Variants in TDP2 observed in about 807,000 individuals in gnomAD.
TDP2 encodes 5'-Tyr-DNA phosphodiesterase.
In TDP2, 38 loss-of-function variants were observed where a neutral mutation model predicts 42.8. The ratio of observed to expected loss-of-function variants is 0.89; its 90% CI spans 0.68 to 1.16. The LOEUF is 1.16. TDP2 is among the 50% of genes most tolerant of loss of function. TDP2 has a pLI of 0.00. For synonymous variants in TDP2, 173 were observed against 150.6 expected, an observed-to-expected ratio of 1.15 and a Z score of -1.09; for missense variants, 439 against 439.3, an observed-to-expected ratio of 1.00 and a Z score of 0.01.
At chr6:24,655,970 A>G (rs1347893219) in intron 4 of TDP2, among the ~76,000 whole-genome samples, 1 of 152,230 alleles carries the variant, frequency 6.6e-6, no homozygotes, top group Non-Finnish European at 1.5e-5. Flanking sequence ...ACTGTAATCA[A>G]CATTTTAGTG....
rs965971283 is a variant in TDP2 at position 24,650,836 on chromosome 6, A to T, written c.1041T>A (p.Phe347Leu). 3.1e-6 allele frequency: 5 copies of T among 1,614,216 alleles called. No homozygotes were observed. The highest frequency in any genetic ancestry group is 4.2e-6 in the Non-Finnish European group (5 of 1,180,032). ...LGLEKLDCGR[F>L]PSDHWGLLCN... ...ACAGAAGACCCCAGTGATCACTAGG[A>T]AATCTACCACAGTCCAGTTTTTCTA... The change falls in exon 7 of 7, where the codon TTT becomes TTA. Residue 347 changes from phenylalanine to leucine, a missense_variant. Physicochemically the swap from Phe to Leu is conservative, Grantham distance 22. Coordinates refer to ENST00000378198, the MANE Select transcript of TDP2 (RefSeq NM_016614.3).
In TDP2 at chr6:24,654,503, A is replaced by G. The variant is rs776274216; in HGVS notation, c.545T>C (p.Ile182Thr). The part of the protein sequence containing the change: ...TGHEEGYFTA[I>T]MLKKSRVKLK... ...TTTCACTCTTGATTTCTTCAACATT[A>G]TAGCTGTGAAATATCCTTCTTCATG... The change falls in exon 5 of 7, where the codon ATA (isoleucine) becomes ACA (threonine). Residue 182 changes from isoleucine to threonine, a missense_variant. By Grantham distance (89) the Ile-to-Thr change is moderately conservative. Coordinates refer to ENST00000378198, the MANE Select transcript of TDP2 (RefSeq NM_016614.3). The G allele has an allele frequency of 1.3e-6, 2 of 1,566,458 alleles. No homozygotes were observed. Among genetic ancestry groups the G allele is most frequent in the Admixed American group, 1.8e-5 (1 of 55,720 alleles).
intron 2 of TDP2, chr6:24,666,027 G>A (rs1376193456): frequency 6.8e-7 from 1 of 1,464,778 alleles, no homozygotes; most frequent in Non-Finnish European, 9.0e-7. Flanking sequence ...GCCTTGTAAG[G>A]CAGCTACACT....
At chr6:24,653,342 G>C (rs1778003564) in intron 5 of TDP2, among the ~76,000 whole-genome samples, 189 bp from the exon 6 acceptor site, 1 of 152,204 alleles carries the variant, frequency 6.6e-6, no homozygotes, top group Non-Finnish European at 1.5e-5. Context: ...AAAGACGACG[G>C]TTTAGCAAGC....
rs1026452149 is a variant in TDP2 at position 24,658,673 on chromosome 6, C to A, written c.313G>T (p.Asp105Tyr). 11 of 1,613,828 alleles carry A rather than the reference C, an allele frequency of 6.8e-6. No individual in the cohort carries two copies. Among genetic ancestry groups the A allele is most frequent in the Non-Finnish European group, 9.3e-6 (11 of 1,179,876 alleles). The change falls in exon 3 of 7, where the codon GAT becomes TAT. Residue 105 changes from aspartate to tyrosine, a missense_variant. Coordinates refer to ENST00000378198, the MANE Select transcript of TDP2 (RefSeq NM_016614.3). The stretch of plus-strand genomic sequence containing the variant: ...ATGCTGCCATTTTCTTGCTGAGTAT[C>A]TTCAGATGGGCTGATTTTAGAAGTG... Reference protein sequence around the residue: ...STTSKISPSEDTQQENGSMFS... With the variant: ...STTSKISPSEYTQQENGSMFS...
chr6:24,651,427 C>A (rs567483118), intron 6 of TDP2, among the ~76,000 whole-genome samples: 5 of 152,302 alleles, frequency 3.3e-5, no homozygotes, highest in African/African-American at 1.2e-4. Flanking sequence ...CTACTTTAGT[C>A]TACAACTTCA....
rs145857752 is a variant in TDP2 at position 24,665,773 on chromosome 6, G to C, written c.251+753C>G. 8.1e-4 allele frequency among the ~76,000 whole-genome samples: 124 copies of C among 152,258 alleles called. No individual in the cohort carries two copies. In the East Asian group the frequency reaches 0.02, roughly 25 times the overall value. On this transcript the variant is annotated intron_variant, in intron 2 of 6. Transcript: ENST00000378198. Reference sequence around the variant, plus strand: ...CAGGATGCTATAAGAGTACCTAAAAGGGGACTCTTACCCAGACTTAGGACA... The same window carrying C: ...CAGGATGCTATAAGAGTACCTAAAACGGGACTCTTACCCAGACTTAGGACA...
chr6:24,666,291 C>G, intron 2 of TDP2: 2 of 1,531,206 alleles, frequency 1.3e-6, no homozygotes, highest in Non-Finnish European at 1.8e-6. Context: ...TCCATCTTTT[C>G]CTCCCTGGAC....
chr6:24,660,942 C>T (rs1331551575), intron 2 of TDP2, among the ~76,000 whole-genome samples: 2 of 152,122 alleles, frequency 1.3e-5, no homozygotes, highest in African/African-American at 2.4e-5. Flanking sequence ...GTATGTCCTC[C>T]GCAATGCACC....
intron 2 of TDP2, among the ~76,000 whole-genome samples, chr6:24,662,917 G>GT (rs1778176225): frequency 1.3e-5 from 2 of 152,184 alleles, no homozygotes; most frequent in Admixed American, 1.3e-4. Context: ...CAAATCTTCT[G>GT]TTTCATAGCT....
intron 3 of TDP2, 140 bp from the exon 4 acceptor site, chr6:24,658,043 G>A: frequency 1.9e-6 from 1 of 536,110 alleles, no homozygotes; most frequent in Non-Finnish European, 3.3e-6. Flanking sequence ...GCTGATCTTT[G>A]ATAACTATAA....
chr6:24,651,159 C>A (rs1187475184), intron 6 of TDP2, 90 bp from the exon 7 acceptor site: 2 of 1,071,930 alleles, frequency 1.9e-6, no homozygotes, highest in Non-Finnish European at 2.6e-6. Flanking sequence ...TTGCTATTAC[C>A]GTGCAAGAAA....
intron 4 of TDP2, among the ~76,000 whole-genome samples, chr6:24,655,034 G>A (rs777336543): frequency 6.6e-6 from 1 of 151,868 alleles, no homozygotes; most frequent in Non-Finnish European, 1.5e-5. Flanking sequence ...GTGAAATTCC[G>A]TCTCAAAATA....
At chr6:24,653,520 T>A (rs908202527) in intron 5 of TDP2, among the ~76,000 whole-genome samples, 1 of 152,188 alleles carries the variant, frequency 6.6e-6, no homozygotes, top group African/African-American at 2.4e-5. Context: ...CCATAAGTCA[T>A]TTGCAAAGCA....
At chr6:24,651,466 T>C (rs1777973341) in intron 6 of TDP2, among the ~76,000 whole-genome samples, 1 of 152,234 alleles carries the variant, frequency 6.6e-6, no homozygotes, top group South Asian at 2.1e-4. Flanking sequence ...GATCCAAAAA[T>C]TTCAACTGCC....
At chr6:24,653,972 C>T (rs1778017483) in intron 5 of TDP2, among the ~76,000 whole-genome samples, 1 of 152,194 alleles carries the variant, frequency 6.6e-6, no homozygotes, top group South Asian at 2.1e-4. Context: ...GTCATCTCTC[C>T]TTTCTCTAAA....
chr6:24,658,049 T>C (rs2127617912), intron 3 of TDP2, 146 bp from the exon 4 acceptor site: 1 of 531,492 alleles, frequency 1.9e-6, no homozygotes, highest in Non-Finnish European at 3.3e-6. Flanking sequence ...CTTTGATAAC[T>C]ATAAAATGAG....
At chr6:24,663,609 A>G (rs1778188560) in intron 2 of TDP2, among the ~76,000 whole-genome samples, 1 of 152,094 alleles carries the variant, frequency 6.6e-6, no homozygotes, top group African/African-American at 2.4e-5. Flanking sequence ...TGCTATCTTC[A>G]CGATACTGAG....
chr6:24,658,003 C>G (rs528341850), intron 3 of TDP2, 100 bp from the exon 4 acceptor site: 1 of 714,558 alleles, frequency 1.4e-6, no homozygotes, highest in African/African-American at 1.9e-5. Flanking sequence ...AACAAAAAAC[C>G]CTCTAGGGCA....
Sources: allele counts gnomAD v4.1 joint callset (sites outside exome capture counted in the v4.1 genomes callset), GRCh38; gene constraint gnomAD v4.1.1; transcripts MANE v1.5; gene names NCBI Gene and HGNC (gene_info 2026-07-23, HGNC 2026-07-21).